CDK5RAP2: variants seen among roughly 807,000 people sequenced by gnomAD.
The protein encoded by CDK5RAP2 is CDK5 regulatory subunit associated protein 2, also known as CDK5 regulatory subunit-associated protein 2.
CDK5RAP2 carries 147 observed loss-of-function variants against 232.9 expected under a neutral mutation model. The observed-to-expected ratio is 0.63, with a 90% CI of 0.55 to 0.72. CDK5RAP2 has a LOEUF of 0.72. Among genes scored for constraint, CDK5RAP2 ranks in the 30% least tolerant of loss-of-function variants. The pLI, the probability that CDK5RAP2 is intolerant of heterozygous loss-of-function variation, is 0.00. For missense variants in CDK5RAP2, 2,195 were observed against 2,231.5 expected, an observed-to-expected ratio of 0.98 and a Z score of 0.33; for synonymous variants, 833 against 833.7, an observed-to-expected ratio of 1.00 and a Z score of 0.01.
At position 120,460,726 on chromosome 9, in the gene CDK5RAP2, T is replaced by C. The variant is rs756265599; in HGVS notation, c.2107-59A>G. ...CCCAAAAAAGTGTGCAGCATGAATA[T>C]GTATGAATAAGTCAGTGATGTCTTT... On this transcript the variant is annotated intron_variant, in intron 18 of 37. Transcript: ENST00000349780. 1.2e-5 allele frequency: 20 copies of C among 1,611,086 alleles called. No homozygotes were observed. The South Asian group carries it at 1.7e-4, about 13-fold the overall frequency.
intron 14 of CDK5RAP2, among the ~76,000 whole-genome samples, chr9:120,478,940 C>G (rs1439046689): frequency 6.6e-6 from 1 of 151,940 alleles, no homozygotes; most frequent in Non-Finnish European, 1.5e-5. Context: ...ATATATATAT[C>G]CAAATATCTA....
chr9:120,526,268 C>G (rs1013391966), intron 10 of CDK5RAP2, among the ~76,000 whole-genome samples: 1 of 152,142 alleles, frequency 6.6e-6, no homozygotes, highest in Non-Finnish European at 1.5e-5. Context: ...CTGGATGGTC[C>G]ACGGGCTCCT....
At chr9:120,559,013 G>A (rs1250716237) in intron 3 of CDK5RAP2, among the ~76,000 whole-genome samples, 1 of 152,108 alleles carries the variant, frequency 6.6e-6, no homozygotes, top group Non-Finnish European at 1.5e-5. Flanking sequence ...ACAAATTAAT[G>A]AATAAATACA....
chr9:120,565,295 A>T (rs1220673821), intron 3 of CDK5RAP2, among the ~76,000 whole-genome samples: 1 of 152,102 alleles, frequency 6.6e-6, no homozygotes, highest in African/African-American at 2.4e-5. Flanking sequence ...CCTTCATTCC[A>T]TGCCCTTAGC....
rs144967121 is a variant in CDK5RAP2 at position 120,428,593 on chromosome 9, T to G, written c.3956-5852A>C. 1.5e-3 allele frequency among the ~76,000 whole-genome samples: 224 copies of G among 152,222 alleles called. 2 individuals carry two copies. In the East Asian group the frequency reaches 0.036, roughly 24 times the overall value. ...ATCTCTGAATAGACCAATAACAGGATCTGAAATTGTGGCAATAATCAATAG... is the reference window on the plus strand; with the variant it reads ...ATCTCTGAATAGACCAATAACAGGAGCTGAAATTGTGGCAATAATCAATAG... On this transcript the variant is annotated intron_variant, in intron 25 of 37. Transcript: ENST00000349780.
intron 27 of CDK5RAP2, among the ~76,000 whole-genome samples, chr9:120,419,229 G>A (rs2034422274): frequency 2.0e-5 from 3 of 152,122 alleles, no homozygotes; most frequent in Admixed American, 2.0e-4. Context: ...AGAACTGTAA[G>A]AAATAAATTT....
intron 12 of CDK5RAP2, 43 bp from the exon 13 acceptor site, chr9:120,491,520 T>A (rs1441530957): frequency 2.8e-6 from 4 of 1,403,676 alleles, no homozygotes; most frequent in Non-Finnish European, 4.0e-6. Flanking sequence ...TTGACAAAAA[T>A]TTCAATCTCT....
At chr9:120,478,071 T>C (rs2038112989) in intron 14 of CDK5RAP2, among the ~76,000 whole-genome samples, 1 of 152,234 alleles carries the variant, frequency 6.6e-6, no homozygotes, top group Non-Finnish European at 1.5e-5. Context: ...CATTCACAAA[T>C]GTGAAATTTT....
At chr9:120,518,210 T>TGAGAGA (rs146336954) in intron 12 of CDK5RAP2, among the ~76,000 whole-genome samples, 6 of 43,924 alleles carry the variant, frequency 1.4e-4, no homozygotes, top group African/African-American at 2.5e-4. Flanking sequence ...TGTGTGTGTG[T>TGAGAGA]GAGAGAGAGA....
chr9:120,548,659 T>G (rs756887949), intron 4 of CDK5RAP2, among the ~76,000 whole-genome samples: 2 of 151,784 alleles, frequency 1.3e-5, no homozygotes, highest in African/African-American at 4.8e-5. Flanking sequence ...AGCAAAAATT[T>G]AAAAATGCCA....
intron 15 of CDK5RAP2, among the ~76,000 whole-genome samples, chr9:120,473,347 T>C (rs78866030): frequency 0.019 from 2,963 of 152,272 alleles, 99 homozygotes; most frequent in African/African-American, 0.068. Flanking sequence ...AAAAAATGAA[T>C]GAATTTGTGG....
Position 120,400,851 on chromosome 9 carries a change from C to T in CDK5RAP2, c.5342G>A (p.Ser1781Asn). ...PHPAPLSKFV[S>N]SVSTAKLTLE... ...GGTCAGCTTGGCCGTGCTCACACTG[C>T]TCACAAACTTGCTCAGTGGTGCTGG... Residue 1781 changes from serine to asparagine, a missense_variant, in exon 35 of 38, where the codon AGC becomes AAC. Transcript: ENST00000349780. 3.7e-6 allele frequency: 6 copies of T among 1,614,204 alleles called. No individual in the cohort carries two copies. The highest frequency in any genetic ancestry group is 5.1e-6 in the Non-Finnish European group (6 of 1,180,034).
At chr9:120,517,201 A>C (rs1363177066) in intron 12 of CDK5RAP2, among the ~76,000 whole-genome samples, 2 of 152,192 alleles carry the variant, frequency 1.3e-5, no homozygotes, top group Non-Finnish European at 2.9e-5. Flanking sequence ...AGGGTAGTGG[A>C]ATTATAGCTA....
intron 6 of CDK5RAP2, among the ~76,000 whole-genome samples, chr9:120,538,657 C>T (rs780658585): frequency 6.6e-6 from 1 of 152,174 alleles, no homozygotes; most frequent in Non-Finnish European, 1.5e-5. Context: ...TGGCCGTCAG[C>T]TTCCACATCT....
chr9:120,505,249 TAGTATCTGTTA>T (rs2039756348), intron 12 of CDK5RAP2, among the ~76,000 whole-genome samples: 1 of 152,206 alleles, frequency 6.6e-6, no homozygotes, highest in Non-Finnish European at 1.5e-5. Flanking sequence ...TTTTCACTAT[TAGTATCTGTTA>T]TGGTGATCAG....
intron 7 of CDK5RAP2, among the ~76,000 whole-genome samples, chr9:120,534,931 C>A: frequency 6.6e-6 from 1 of 152,196 alleles, no homozygotes; most frequent in East Asian, 1.9e-4. Context: ...GTGGAATTCT[C>A]ACAGTCTAGT....
At chr9:120,404,181 G>T in intron 32 of CDK5RAP2, 68 bp from the exon 33 acceptor site, 1 of 1,001,016 alleles carries the variant, frequency 1.0e-6, no homozygotes. Flanking sequence ...AACTGAAAGA[G>T]AATACAGTCA....
At chr9:120,455,822 C>G (rs2036741666) in intron 20 of CDK5RAP2, among the ~76,000 whole-genome samples, 4 of 152,046 alleles carry the variant, frequency 2.6e-5, no homozygotes, top group Admixed American at 2.0e-4. Context: ...AGGAGCTCCC[C>G]TCATGCTGGT....
chr9:120,460,508 T>C, intron 19 of CDK5RAP2, 64 bp downstream of exon 19: 2 of 1,488,156 alleles, frequency 1.3e-6, no homozygotes, highest in Non-Finnish European at 1.9e-6. Context: ...CATTCCAGAC[T>C]CGAAGACTGA....
Sources: allele counts gnomAD v4.1 joint callset (sites outside exome capture counted in the v4.1 genomes callset), GRCh38; gene constraint gnomAD v4.1.1; transcripts MANE v1.5; gene names NCBI Gene and HGNC (gene_info 2026-07-23, HGNC 2026-07-21).